The following CACNA1H variants were observed in gnomAD, a reference collection of about 807,000 sequenced individuals.
CACNA1H encodes voltage-dependent T-type calcium channel subunit alpha-1H.
A neutral mutation model predicts 192.5 loss-of-function variants in CACNA1H; 149 were observed. That is an observed-to-expected ratio of 0.77 (90% confidence interval 0.68 to 0.89). CACNA1H has a LOEUF of 0.89. Ranked by LOEUF, CACNA1H falls within the 40% of genes least tolerant of loss-of-function variation. The pLI is 0.00. For missense variants in CACNA1H, 4,257 were observed against 3,423.5 expected, an observed-to-expected ratio of 1.24 and a Z score of -6.08; for synonymous variants, 2,202 against 1,475.2, an observed-to-expected ratio of 1.49 and a Z score of -11.29.
At chr16:1,219,210 C>G in intron 34 of CACNA1H, 80 bp downstream of exon 34, 1 of 1,355,682 alleles carries the variant, frequency 7.4e-7, no homozygotes. Context: ...TCTGAAGGAC[C>G]AGCAGACGAG....
chr16:1,154,583 C>T (rs971000640), intron 2 of CACNA1H, among the ~76,000 whole-genome samples: 14 of 151,990 alleles, frequency 9.2e-5, no homozygotes, highest in Non-Finnish European at 1.6e-4. Context: ...GAGGCGGTGA[C>T]GTTGGTTGTG....
chr16:1,213,699 C>G (rs1172792423), intron 26 of CACNA1H, 81 bp from the exon 27 acceptor site: 1 of 1,155,980 alleles, frequency 8.7e-7, no homozygotes, highest in East Asian at 2.6e-5. Context: ...ACTTGGCCAC[C>G]TAGGAGGAGA....
At position 1,166,083 on chromosome 16, in the gene CACNA1H, C is replaced by G. The variant is rs560774270; in HGVS notation, c.299+12047C>G. 5.9e-5 allele frequency among the ~76,000 whole-genome samples: 9 copies of G among 152,332 alleles called. No homozygotes were observed. In the East Asian group the frequency reaches 1.5e-3, roughly 26 times the overall value. ...GGAATTGGGTGACTCTGAGAGCTGA[C>G]GCCGAGATTTCTTGTTTGTGTTTTC... On this transcript the variant is annotated intron_variant, in intron 2 of 34. Coordinates refer to ENST00000348261, the MANE Select transcript of CACNA1H (RefSeq NM_021098.3).
At chr16:1,219,605 C>G (rs892340403) in intron 34 of CACNA1H, among the ~76,000 whole-genome samples, 9 of 152,248 alleles carry the variant, frequency 5.9e-5, no homozygotes, top group Admixed American at 4.6e-4. Flanking sequence ...TTTCCTACCT[C>G]TTGCTGCCCA....
In CACNA1H at chr16:1,210,943, C is replaced by T. The variant is rs374596109; in HGVS notation, c.4195C>T (p.Arg1399Cys). 1.0e-5 allele frequency: 16 copies of T among 1,600,124 alleles called. No individual in the cohort carries two copies. The highest frequency in any genetic ancestry group is 1.4e-5 in the Non-Finnish European group (16 of 1,179,436). Reference protein sequence around the residue: ...AKILGVLRVLRLLRTLRPLRV... With the variant: ...AKILGVLRVLCLLRTLRPLRV... ...GATCCTGGGTGTTCTGCGCGTGCTG[C>T]GTCTGCTGCGGACCCTGCGGCCTCT... is the stretch of plus-strand genomic sequence containing the variant. The change falls in exon 21 of 35, where the codon CGT becomes TGT. Residue 1399 changes from arginine to cysteine, a missense_variant. Arg to Cys is a radical substitution (Grantham distance 180, BLOSUM62 -3). Coordinates refer to ENST00000348261, the MANE Select transcript of CACNA1H (RefSeq NM_021098.3).
Position 1,200,817 on chromosome 16 carries a change from G to A in CACNA1H, c.1212+9G>A. The A allele has an allele frequency of 1.3e-6, 2 of 1,549,666 alleles. No homozygotes were observed. Among genetic ancestry groups the A allele is most frequent in the Non-Finnish European group, 1.7e-6 (2 of 1,145,652 alleles). On this transcript the variant is annotated intron_variant, in intron 8 of 34. Coordinates refer to ENST00000348261, the MANE Select transcript of CACNA1H (RefSeq NM_021098.3). ...TCATCCTGCTCATCATCGTGAGTGT[G>A]GGCGGCAGTGTTCGCCATGATGGGC...
chr16:1,203,798 C>T (rs1418923590), intron 9 of CACNA1H, among the ~76,000 whole-genome samples: 3 of 152,218 alleles, frequency 2.0e-5, no homozygotes, highest in Admixed American at 1.3e-4. Flanking sequence ...GCCCTCCCTA[C>T]TCCGGGATAG....
chr16:1,188,209 G>A lies in CACNA1H; in HGVS notation c.300-6763G>A, dbSNP rs112347763. ...CTGGCCCCAGGATACGTGAGCCAGC[G>A]GGTCTGGGCGGTCCTGGGAGCTGAT... On this transcript the variant is annotated intron_variant, in intron 2 of 34. Transcript: ENST00000348261. 5.1e-4 allele frequency among the ~76,000 whole-genome samples: 77 copies of A among 152,282 alleles called. 1 individual carries two copies. The highest frequency in any genetic ancestry group is 1.6e-3 in the African/African-American group (66 of 41,532).
At position 1,200,412 on chromosome 16, in the gene CACNA1H, G is replaced by A. The variant is rs779012601; in HGVS notation, c.960G>A (p.Glu320=). Residue 320 remains glutamate, a synonymous_variant, in exon 7 of 35, where the codon GAG becomes GAA. Coordinates refer to ENST00000348261, the MANE Select transcript of CACNA1H (RefSeq NM_021098.3). ...GCATGCCCTGCACCCTGGGCTGGGA[G>A]GCCTACACGCAGCCGCAGGCCGAGG... ...ELRMPCTLGW[E]AYTQPQAEGV... The A allele has an allele frequency of 3.7e-6, 6 of 1,609,070 alleles. No homozygotes were observed. In the Admixed American group the frequency reaches 1.0e-4, roughly 27 times the overall value.
At position 1,208,082 on chromosome 16, in the gene CACNA1H, C is replaced by T. The variant is rs772211003; in HGVS notation, c.3224C>T (p.Pro1075Leu). ...HLEGRGSLSP[P>L]LIMCTAATPM... ...GAGGGACGAGGCAGCCTGTCCCCTC[C>T]CCTCATCATGTGCACAGCTGCCACG... is the stretch of plus-strand genomic sequence containing the variant. Residue 1075 changes from proline to leucine, a missense_variant, in exon 16 of 35, where the codon CCC (proline) becomes CTC (leucine). By Grantham distance (98) the Pro-to-Leu change is moderately conservative. Coordinates refer to ENST00000348261, the MANE Select transcript of CACNA1H (RefSeq NM_021098.3). The T allele has an allele frequency of 5.0e-6, 8 of 1,601,468 alleles. No individual in the cohort carries two copies. The highest frequency in any genetic ancestry group is 2.7e-5 in the African/African-American group (2 of 74,594).
intron 2 of CACNA1H, 37 bp from the exon 3 acceptor site, chr16:1,194,935 G>C (rs377664502): frequency 1.3e-6 from 2 of 1,510,596 alleles, no homozygotes; most frequent in South Asian, 1.1e-5. Context: ...AGCGGGTCCC[G>C]GGCCGCGCCG....
rs72552036 is a variant in CACNA1H, at chr16:1,208,427, G to A, written c.3363+206G>A. ...GTGAGGCCGGTGTGAAGGGGCAGAC[G>A]CGGAAGCTCTGTGCGCCCAACAGTC... On this transcript the variant is annotated intron_variant, in intron 16 of 34. Coordinates refer to ENST00000348261, the MANE Select transcript of CACNA1H (RefSeq NM_021098.3). Among the ~76,000 whole-genome samples the A allele has an allele frequency of 5.6e-3, 858 of 152,322 alleles. 7 individuals are homozygous for A. Among genetic ancestry groups the A allele is most frequent in the African/African-American group, 0.02 (813 of 41,546 alleles).
At position 1,160,914 on chromosome 16, in the gene CACNA1H, C is replaced by T. The variant is rs372094188; in HGVS notation, c.299+6878C>T. On this transcript the variant is annotated intron_variant, in intron 2 of 34. Transcript: ENST00000348261. ...GGTGCGCGGCCGGCGAGGACCGAGG[C>T]ATCAGCCCAGTGCGGCCCCCCCCCA... is the stretch of plus-strand genomic sequence containing the variant. 1.2e-4 allele frequency among the ~76,000 whole-genome samples: 18 copies of T among 152,214 alleles called. No individual in the cohort carries two copies. The East Asian group carries it at 1.6e-3, about 13-fold the overall frequency.
At chr16:1,198,848 C>T (rs1967328640) in intron 6 of CACNA1H, 74 bp downstream of exon 6, 3 of 1,415,600 alleles carry the variant, frequency 2.1e-6, no homozygotes, top group South Asian at 1.3e-5. Context: ...CACCATGTGG[C>T]TCCACCGCCC....
intron 4 of CACNA1H, 104 bp downstream of exon 4, chr16:1,195,669 A>G (rs1049900719): frequency 1.4e-5 from 19 of 1,339,750 alleles, no homozygotes; most frequent in Non-Finnish European, 2.0e-5. Flanking sequence ...GGTGTGTTCT[A>G]GAGGGATCCA....
chr16:1,218,353 G>C lies in CACNA1H; in HGVS notation c.5589G>C (p.Leu1863=). ...NVVVAVLMKH[L]EESNKEARED... ...TGGTGGCCGTGCTCATGAAGCACCTGGAGGAGAGCAACAAGGAGGCACGGG... is the reference window on the plus strand; with the variant it reads ...TGGTGGCCGTGCTCATGAAGCACCTCGAGGAGAGCAACAAGGAGGCACGGG... Residue 1863 remains leucine (L), a synonymous_variant, in exon 33 of 35, where the codon CTG becomes CTC. Transcript: ENST00000348261. 1 of 1,562,464 alleles carries C rather than the reference G, an allele frequency of 6.4e-7. No homozygotes were observed. The highest frequency in any genetic ancestry group is 8.7e-7 in the Non-Finnish European group (1 of 1,154,316).
chr16:1,211,704 T>A lies in CACNA1H; in HGVS notation c.4477-12T>A. On this transcript the variant is annotated splice_polypyrimidine_tract_variant and intron_variant, in intron 23 of 34. Transcript: ENST00000348261. ...TCTAACCCTCGCCAGTGACCCTGGC[T>A]CTGGCCCTCAGGCCCTGATGTCGCT... The A allele has an allele frequency of 3.1e-6, 5 of 1,612,262 alleles. No individual in the cohort carries two copies. The highest frequency in any genetic ancestry group is 4.2e-6 in the Non-Finnish European group (5 of 1,179,506).
intron 2 of CACNA1H, among the ~76,000 whole-genome samples, chr16:1,160,822 T>TCAC (rs1369465094): frequency 6.6e-6 from 1 of 152,086 alleles, no homozygotes; most frequent in Non-Finnish European, 1.5e-5. Context: ...TGGGTGGGTG[T>TCAC]GGCCGCCGCC....
intron 2 of CACNA1H, among the ~76,000 whole-genome samples, chr16:1,188,296 C>T (rs780301369): frequency 6.6e-6 from 1 of 152,162 alleles, no homozygotes; most frequent in Non-Finnish European, 1.5e-5. Context: ...CTTTGGGCCA[C>T]GCTGGTCCCA....
Sources: gnomAD v4.1 joint callset for allele counts (sites outside exome capture counted in the v4.1 genomes callset) on GRCh38, gnomAD v4.1.1 for gene constraint, MANE v1.5 for transcripts, NCBI Gene and HGNC (gene_info 2026-07-23, HGNC 2026-07-21) for gene names.